RBM28: variants seen among roughly 807,000 people sequenced by gnomAD.
RBM28 encodes the protein RNA binding motif protein 28.
RBM28 carries 78 observed loss-of-function variants against 98.3 expected under a neutral mutation model. The ratio of observed to expected loss-of-function variants is 0.79; its 90% CI spans 0.66 to 0.96. The LOEUF (loss-of-function observed/expected upper bound fraction) is 0.96. Ranked by LOEUF, RBM28 falls within the 40% of genes least tolerant of loss-of-function variation. RBM28 has a pLI of 0.00. For synonymous variants in RBM28, 306 were observed against 330.9 expected (o/e 0.92, Z 0.82); for missense variants, 838 against 913.0 (o/e 0.92, Z 1.06).
At position 128,302,928 on chromosome 7, in the gene RBM28, C is replaced by T. The variant is rs1795801133; in HGVS notation, c.*7869G>A. 1.3e-5 allele frequency: 2 copies of T among 152,116 alleles called. No homozygotes were observed. Among genetic ancestry groups the T allele is most frequent in the Non-Finnish European group, 2.9e-5 (2 of 68,090 alleles). 9.4% of individuals were successfully genotyped at this position (152,116 alleles called of 1,614,324 possible). On this transcript the variant is annotated 3_prime_UTR_variant, in exon 19 of 19. Transcript: ENST00000223073. ...GCTGGGACTACAGTGCACACCACCA[C>T]ACAAGGCTAATTTTCAAATTTTGGG...
At chr7:128,337,017 G>C in intron 6 of RBM28, 114 bp downstream of exon 6, 2 of 1,135,196 alleles carry the variant, frequency 1.8e-6, no homozygotes, top group Non-Finnish European at 2.7e-6. Flanking sequence ...TTACAGGCAA[G>C]AGCCACTGCA....
chr7:128,327,776 AG>A (rs1454612658), intron 10 of RBM28, among the ~76,000 whole-genome samples: 3 of 152,364 alleles, frequency 2.0e-5, no homozygotes, highest in Admixed American at 6.5e-5. Context: ...CTGGGATTAC[AG>A]GTGTGAGCCA....
At chr7:128,337,559 C>T (rs1459854704) in intron 5 of RBM28, among the ~76,000 whole-genome samples, 1 of 28,166 alleles carries the variant, frequency 3.6e-5, no homozygotes, top group Non-Finnish European at 7.0e-5. Context: ...ACGGCAATAA[C>T]TTCTTTTTTT....
chr7:128,324,578 G>A lies in RBM28; in HGVS notation c.1320C>T (p.Leu440=). The A allele has an allele frequency of 6.2e-7, 1 of 1,614,256 alleles. No homozygotes were observed. Among genetic ancestry groups the A allele is most frequent in the Non-Finnish European group, 8.5e-7 (1 of 1,180,048 alleles). The change falls in exon 12 of 19, where the codon CTC becomes CTT. Residue 440 remains leucine, a synonymous_variant. Transcript: ENST00000223073. ...ACTCACAGCCTTCTCGGGCCAGATA[G>A]AGATTCCGGGTGCCAGTCGGCTTCT... ...KVKKPTGTRN[L]YLAREGLIRA...
intron 13 of RBM28, among the ~76,000 whole-genome samples, chr7:128,322,255 T>C (rs1337994036): frequency 6.6e-6 from 1 of 152,208 alleles, no homozygotes; most frequent in African/African-American, 2.4e-5. Context: ...GGAGTATCAA[T>C]GACCACAGAA....
rs1299883070 is a variant in RBM28 at position 128,341,182 on chromosome 7, G to A, written c.119-1391C>T. 3.1e-6 allele frequency: 4 copies of A among 1,289,560 alleles called. No individual in the cohort carries two copies. The Admixed American group carries it at 6.9e-5, about 22-fold the overall frequency. The allele number at this position is 1,289,560 out of a possible 1,614,324, so 79.9% of individuals were successfully genotyped here. On this transcript the variant is annotated intron_variant, in intron 1 of 18. Transcript: ENST00000223073. The stretch of plus-strand genomic sequence containing the variant: ...CCACTGCATTTGAATCTCCTTCAGG[G>A]TATAAGCCCTTTGACACAGGACACT...
In RBM28 at chr7:128,333,369, T is replaced by TA. The variant is rs1356438274; in HGVS notation, c.947-8dup. On this transcript the variant is annotated splice_polypyrimidine_tract_variant and splice_region_variant and intron_variant, in intron 8 of 18. Coordinates refer to ENST00000223073, the MANE Select transcript of RBM28 (RefSeq NM_018077.3). ...TTGTTTGAGACTTGCACAGCTAAGG[T>TA]AAAAAGAAAAACAACAAACTGAAAG... 6.3e-7 allele frequency: 1 copy of TA among 1,583,604 alleles called. No individual in the cohort carries two copies. Among genetic ancestry groups the TA allele is most frequent in the Non-Finnish European group, 8.7e-7 (1 of 1,152,612 alleles).
intron 16 of RBM28, among the ~76,000 whole-genome samples, chr7:128,315,711 A>G (rs1796093449): frequency 6.6e-6 from 1 of 152,206 alleles, no homozygotes; most frequent in Non-Finnish European, 1.5e-5. Context: ...AATTTTTAAA[A>G]GAAAAAAAAA....
chr7:128,329,480 A>T lies in RBM28; in HGVS notation c.1129+1339T>A, dbSNP rs376591230. Among the ~76,000 whole-genome samples the T allele has an allele frequency of 6.6e-5, 10 of 152,344 alleles. No individual in the cohort carries two copies. In the East Asian group the frequency reaches 1.5e-3, roughly 23 times the overall value. Reference sequence around the variant, plus strand: ...TGAAAGATAAAAAGGCTTAGAATGGAGGTAGGTTCTTAAGCTGTGGATAGG... The same window carrying T: ...TGAAAGATAAAAAGGCTTAGAATGGTGGTAGGTTCTTAAGCTGTGGATAGG... On this transcript the variant is annotated intron_variant, in intron 10 of 18. Coordinates refer to ENST00000223073, the MANE Select transcript of RBM28 (RefSeq NM_018077.3).
At chr7:128,339,414 C>A in intron 2 of RBM28, 93 bp from the exon 3 acceptor site, 2 of 1,214,858 alleles carry the variant, frequency 1.6e-6, no homozygotes. Flanking sequence ...CGACAGATGG[C>A]ATTTACCACA....
Position 128,321,357 on chromosome 7 carries a change from A to T in RBM28, c.1472T>A (p.Leu491Gln), listed in dbSNP as rs1003718204. Residue 491 changes from leucine to glutamine, a missense_variant, in exon 14 of 19, where the codon CTG (leucine) becomes CAG (glutamine). Physicochemically the swap from Leu to Gln is moderately radical, Grantham distance 113. Coordinates refer to ENST00000223073, the MANE Select transcript of RBM28 (RefSeq NM_018077.3). ...ATCTACAGCCTTTGGGAGATTGTGC[A>T]GGCAGAGCCTGGTTCGGGAGACAAA... The part of the protein sequence containing the change: ...NIFVSRTRLC[L>Q]HNLPKAVDDK... The T allele has an allele frequency of 6.2e-7, 1 of 1,614,238 alleles. No individual in the cohort carries two copies. Among genetic ancestry groups the T allele is most frequent in the Non-Finnish European group, 8.5e-7 (1 of 1,180,034 alleles).
chr7:128,317,683 CTTCATT>C lies in RBM28; in HGVS notation c.1758_1763del (p.Met587_Lys588del). ...CCAAGCTGCGCTGGATCCTTAATTC[CTTCATT>C]TTAAGTTTTCTTCGATCTTCTAAAG... is the stretch of plus-strand genomic sequence containing the variant. On this transcript the variant is annotated inframe_deletion, in exon 16 of 19. Coordinates refer to ENST00000223073, the MANE Select transcript of RBM28 (RefSeq NM_018077.3). 1 of 1,608,368 alleles carries C rather than the reference CTTCATT, an allele frequency of 6.2e-7. No individual in the cohort carries two copies. The highest frequency in any genetic ancestry group is 8.5e-7 in the Non-Finnish European group (1 of 1,174,832).
intron 10 of RBM28, among the ~76,000 whole-genome samples, chr7:128,330,528 C>CCCGCCACT (rs1796457072): frequency 6.6e-6 from 1 of 151,974 alleles, no homozygotes; most frequent in Non-Finnish European, 1.5e-5. Flanking sequence ...ACTACAGGTG[C>CCCGCCACT]ACGCTGCTAA....
intron 4 of RBM28, 138 bp from the exon 5 acceptor site, chr7:128,338,480 C>T: frequency 9.1e-6 from 7 of 771,034 alleles, no homozygotes; most frequent in Admixed American, 2.0e-5. Context: ...AAAGCAATTG[C>T]TTACATCTTC....
intron 9 of RBM28, among the ~76,000 whole-genome samples, chr7:128,332,344 A>G (rs1322217131): frequency 6.6e-6 from 1 of 151,382 alleles, no homozygotes; most frequent in Non-Finnish European, 1.5e-5. Context: ...CACAAATTGT[A>G]TAAGAAAACA....
At chr7:128,326,326 C>T (rs1319575559) in intron 10 of RBM28, among the ~76,000 whole-genome samples, 1 of 148,462 alleles carries the variant, frequency 6.7e-6, no homozygotes, top group Admixed American at 6.7e-5. Context: ...AAAAAAAGTA[C>T]AGCCATGTAC....
At chr7:128,328,433 G>C (rs1447616565) in intron 10 of RBM28, among the ~76,000 whole-genome samples, 1 of 152,116 alleles carries the variant, frequency 6.6e-6, no homozygotes, top group Non-Finnish European at 1.5e-5. Flanking sequence ...ATGCTGAGAG[G>C]GATAAACTAC....
At chr7:128,321,482 T>C (rs1796233250) in intron 13 of RBM28, 58 bp from the exon 14 acceptor site, 1 of 1,598,898 alleles carries the variant, frequency 6.3e-7, no homozygotes, top group Non-Finnish European at 8.6e-7. Flanking sequence ...GGTAGGCTCA[T>C]AATTCTCCAA....
Position 128,298,053 on chromosome 7 carries a change from G to A in RBM28, c.*12744C>T, listed in dbSNP as rs975368081. ...CCTAATGCTAGATGACGAGTTAGTG[G>A]GTGCAGCGACCAGCATGTCACATGT... On this transcript the variant is annotated 3_prime_UTR_variant, in exon 19 of 19. Transcript: ENST00000223073. The A allele has an allele frequency of 2.0e-4, 6 of 29,412 alleles. No homozygotes were observed. Among genetic ancestry groups the A allele is most frequent in the East Asian group, 0.25 (1 of 4 alleles). 1.8% of individuals were successfully genotyped at this position (29,412 alleles called of 1,614,324 possible). A position where few individuals can be genotyped will look rare whatever the true frequency, so the allele number is the denominator to read the frequency against.
Sources: gnomAD v4.1 joint callset for allele counts (sites outside exome capture counted in the v4.1 genomes callset) on GRCh38, gnomAD v4.1.1 for gene constraint, MANE v1.5 for transcripts, NCBI Gene and HGNC (gene_info 2026-07-23, HGNC 2026-07-21) for gene names.